The following INPP4B variants were observed in gnomAD, a reference collection of about 807,000 sequenced individuals.
INPP4B encodes the protein inositol polyphosphate 4-phosphatase type II.
Under a neutral mutation model 122.5 loss-of-function variants are expected in INPP4B, and 55 were observed. The ratio of observed to expected loss-of-function variants is 0.45; its 90% CI spans 0.36 to 0.56. The LOEUF (loss-of-function observed/expected upper bound fraction) is 0.56, where lower values mean the gene tolerates loss of function less well. INPP4B is among the 20% of genes least tolerant of loss of function. INPP4B has a pLI of 0.00. For synonymous variants in INPP4B, 403 were observed against 388.7 expected, an observed-to-expected ratio of 1.04 and a Z score of -0.43; for missense variants, 1,000 against 1,097.7, an observed-to-expected ratio of 0.91 and a Z score of 1.26.
intron 9 of INPP4B, among the ~76,000 whole-genome samples, chr4:142,275,409 G>C (rs1201675657): frequency 6.6e-6 from 1 of 151,794 alleles, no homozygotes; most frequent in East Asian, 1.9e-4. Context: ...ATATAAAGTA[G>C]TTCTGGTACT....
At chr4:142,615,201 A>G (rs1743444202) in intron 2 of INPP4B, among the ~76,000 whole-genome samples, 1 of 152,162 alleles carries the variant, frequency 6.6e-6, no homozygotes, top group East Asian at 1.9e-4. Flanking sequence ...CAATCTGAAG[A>G]GTTCCTGAGA....
chr4:142,653,725 T>G (rs997387955), intron 2 of INPP4B, among the ~76,000 whole-genome samples: 1 of 152,096 alleles, frequency 6.6e-6, no homozygotes, highest in Non-Finnish European at 1.5e-5. Context: ...AAACAACAGG[T>G]GCTGGAAAGG....
intron 7 of INPP4B, among the ~76,000 whole-genome samples, chr4:142,378,980 G>C (rs1001780917): frequency 9.9e-5 from 15 of 152,098 alleles, no homozygotes; most frequent in African/African-American, 2.7e-4. Context: ...GGGGTAGGGG[G>C]TGCGGGTTGT....
chr4:142,059,296 C>T (rs1759372849), intron 25 of INPP4B, among the ~76,000 whole-genome samples: 1 of 152,076 alleles, frequency 6.6e-6, no homozygotes, highest in Non-Finnish European at 1.5e-5. Context: ...GCTTAAAGTT[C>T]ACTTTCTCCC....
At chr4:142,416,896 G>A (rs919546858) in intron 5 of INPP4B, among the ~76,000 whole-genome samples, 1 of 152,182 alleles carries the variant, frequency 6.6e-6, no homozygotes, top group Non-Finnish European at 1.5e-5. Flanking sequence ...GAAATGACTA[G>A]TGATCCAGGA....
chr4:142,256,898 A>G (rs1367184671), intron 11 of INPP4B, among the ~76,000 whole-genome samples: 2 of 152,152 alleles, frequency 1.3e-5, no homozygotes, highest in Admixed American at 6.5e-5. Context: ...CAGAGACACA[A>G]CCAAAAAAGA....
At chr4:142,833,372 C>T (rs932970622) in intron 1 of INPP4B, among the ~76,000 whole-genome samples, 3 of 152,040 alleles carry the variant, frequency 2.0e-5, no homozygotes, top group Non-Finnish European at 4.4e-5. Context: ...TAAATATGCT[C>T]AGCCACCCAC....
chr4:142,244,287 C>CTTTTTTTTTTTTTTT (rs56945961), intron 11 of INPP4B, among the ~76,000 whole-genome samples: 1 of 73,750 alleles, frequency 1.4e-5, no homozygotes, highest in African/African-American at 5.5e-5. Context: ...GTATATGTGC[C>CTTTTTTTTTTTTTTT]TTTTTTTTTT....
At chr4:142,412,914 A>G (rs566314872) in intron 5 of INPP4B, among the ~76,000 whole-genome samples, 13 of 152,178 alleles carry the variant, frequency 8.5e-5, no homozygotes, top group Non-Finnish European at 1.8e-4. Context: ...ATATTTTATA[A>G]GACTTGGGAC....
At chr4:142,642,810 T>C (rs1256299517) in intron 2 of INPP4B, among the ~76,000 whole-genome samples, 3 of 152,122 alleles carry the variant, frequency 2.0e-5, no homozygotes, top group Non-Finnish European at 4.4e-5. Flanking sequence ...TGAAGAAAGT[T>C]ATGGGTAGCT....
chr4:142,462,443 C>T (rs1400041149), intron 3 of INPP4B, among the ~76,000 whole-genome samples: 3 of 152,162 alleles, frequency 2.0e-5, no homozygotes, highest in African/African-American at 7.2e-5. Flanking sequence ...TCTGCCTAGG[C>T]TAGGCCTGGC....
At chr4:142,498,728 T>C (rs1048437976) in intron 2 of INPP4B, among the ~76,000 whole-genome samples, 1 of 151,900 alleles carries the variant, frequency 6.6e-6, no homozygotes, top group Non-Finnish European at 1.5e-5. Flanking sequence ...GATGGGGAGG[T>C]TGCAGTGAGC....
intron 2 of INPP4B, among the ~76,000 whole-genome samples, chr4:142,466,644 G>C (rs987428554): frequency 6.6e-6 from 1 of 152,186 alleles, no homozygotes; most frequent in African/African-American, 2.4e-5. Flanking sequence ...ACTTGCTAGA[G>C]AGATTGGCAT....
At chr4:142,359,167 C>A (rs557123078) in intron 7 of INPP4B, among the ~76,000 whole-genome samples, 1 of 151,632 alleles carries the variant, frequency 6.6e-6, no homozygotes, top group African/African-American at 2.4e-5. Flanking sequence ...CCACAGAATT[C>A]TTTCTTCCCT....
chr4:142,630,333 T>C (rs1747656595), intron 2 of INPP4B, among the ~76,000 whole-genome samples: 1 of 152,180 alleles, frequency 6.6e-6, no homozygotes, highest in Non-Finnish European at 1.5e-5. Flanking sequence ...GCCAACATAG[T>C]ACGTTTCTGT....
intron 2 of INPP4B, among the ~76,000 whole-genome samples, chr4:142,635,123 T>A (rs958414283): frequency 2.0e-4 from 30 of 151,990 alleles, no homozygotes; most frequent in African/African-American, 7.0e-4. Context: ...ATATTACTGA[T>A]CATTAGAGAA....
chr4:142,800,325 T>G (rs1454641387), intron 1 of INPP4B, among the ~76,000 whole-genome samples: 1 of 152,144 alleles, frequency 6.6e-6, no homozygotes, highest in Non-Finnish European at 1.5e-5. Flanking sequence ...ATGGCCAGCA[T>G]ATCTACATGG....
chr4:142,287,452 TCTC>T (rs1286777435), intron 9 of INPP4B: 13 of 152,344 alleles, frequency 8.5e-5, no homozygotes, highest in African/African-American at 3.1e-4. Context: ...ACAAATGAGT[TCTC>T]TGTTGGTTAC....
In INPP4B at chr4:142,439,193, C is replaced by T. The variant is rs75140416; in HGVS notation, c.-126-7808G>A. Reference sequence around the variant, plus strand: ...ATAGTCAGGCCATTTCTGCCTGTTGCGGGATTTTGCTAACAAGCAATCTTT... The same window carrying T: ...ATAGTCAGGCCATTTCTGCCTGTTGTGGGATTTTGCTAACAAGCAATCTTT... On this transcript the variant is annotated intron_variant, in intron 3 of 25. Coordinates refer to ENST00000262992, the MANE Select transcript of INPP4B (RefSeq NM_001101669.3). Among the ~76,000 whole-genome samples, 222 of 152,242 alleles carry T rather than the reference C, an allele frequency of 1.5e-3. 1 individual carries two copies. The highest frequency in any genetic ancestry group is 5.2e-3 in the African/African-American group (216 of 41,556).
Sources: allele counts gnomAD v4.1 joint callset (sites outside exome capture counted in the v4.1 genomes callset), GRCh38; gene constraint gnomAD v4.1.1; transcripts MANE v1.5; gene names NCBI Gene and HGNC (gene_info 2026-07-23, HGNC 2026-07-21).